The following DAB2 variants were observed in gnomAD, a reference collection of about 807,000 sequenced individuals.
The protein encoded by DAB2 is DAB adaptor protein 2.
A neutral mutation model predicts 71.6 loss-of-function variants in DAB2; 28 were observed. The ratio of observed to expected loss-of-function variants is 0.39; its 90% CI spans 0.29 to 0.54. The LOEUF is 0.54. DAB2 is among the 20% of genes least tolerant of loss of function. The probability of loss-of-function intolerance (pLI) is 0.68; values close to 1 mark genes in which losing one functional copy is unlikely to be tolerated. For synonymous variants in DAB2, 345 were observed against 339.7 expected, an observed-to-expected ratio of 1.02 and a Z score of -0.17; for missense variants, 867 against 928.8, an observed-to-expected ratio of 0.93 and a Z score of 0.86.
chr5:39,377,945 G>T (rs570960998), intron 11 of DAB2, among the ~76,000 whole-genome samples: 1 of 152,176 alleles, frequency 6.6e-6, no homozygotes, highest in African/African-American at 2.4e-5. Flanking sequence ...AGTTTTAGAC[G>T]TTTATATATA....
At chr5:39,389,214 T>A (rs1196613459) in intron 6 of DAB2, 91 bp from the exon 7 acceptor site, 1 of 963,248 alleles carries the variant, frequency 1.0e-6, no homozygotes, top group Admixed American at 2.0e-5. Flanking sequence ...TTCACAGGCA[T>A]AAGGCAAGAA....
intron 1 of DAB2, chr5:39,408,612 T>C (rs959348391): frequency 1.3e-5 from 2 of 152,220 alleles, no homozygotes; most frequent in Non-Finnish European, 2.9e-5. Flanking sequence ...AATATTATCA[T>C]TTAAAAAATG....
At position 39,388,331 on chromosome 5, in the gene DAB2, T is replaced by C. The variant is rs1561369786; in HGVS notation, c.661A>G (p.Thr221Ala). 1.2e-6 allele frequency: 2 copies of C among 1,612,810 alleles called. No homozygotes were observed. The highest frequency in any genetic ancestry group is 1.7e-6 in the Non-Finnish European group (2 of 1,179,110). Residue 221 changes from threonine (T) to alanine (A), a missense_variant, in exon 9 of 15, where the codon ACA becomes GCA. Coordinates refer to ENST00000320816, the MANE Select transcript of DAB2 (RefSeq NM_001343.4). Reference sequence around the variant, plus strand: ...GTTGGACTATTTAGGTCAGGAGGTGTAGACATGTCCCCAAACAAATCCATC... The same window carrying C: ...GTTGGACTATTTAGGTCAGGAGGTGCAGACATGTCCCCAAACAAATCCATC... ...DQMDLFGDMS[T>A]PPDLNSPTES...
In DAB2 at chr5:39,390,516, G is replaced by A. The variant is rs754304145; in HGVS notation, c.390C>T (p.Asp130=). Residue 130 remains aspartate (D), a synonymous_variant, in exon 5 of 15, where the codon GAC becomes GAT. Coordinates refer to ENST00000320816, the MANE Select transcript of DAB2 (RefSeq NM_001343.4). ...KISFIARDVT[D]NRAFGYVCGG... ...CACACACGTAACCAAATGCCCGGTT[G>A]TCTGTCACATCACGGGCAATGAAAG... The A allele has an allele frequency of 1.0e-4, 162 of 1,613,868 alleles. No individual in the cohort carries two copies. Among genetic ancestry groups the A allele is most frequent in the Non-Finnish European group, 1.4e-4 (161 of 1,179,904 alleles).
chr5:39,405,692 C>G (rs569719804), intron 1 of DAB2, among the ~76,000 whole-genome samples: 1 of 152,340 alleles, frequency 6.6e-6, no homozygotes, highest in South Asian at 2.1e-4. Context: ...TTGCTAGGCA[C>G]CTATGCCCAT....
chr5:39,408,592 G>A (rs770125378), intron 1 of DAB2: 5 of 152,116 alleles, frequency 3.3e-5, no homozygotes, highest in Non-Finnish European at 5.9e-5. Flanking sequence ...CTGTCATCTG[G>A]TGTGCTCAAA....
rs370480784 is a variant in DAB2, at chr5:39,388,850, A to G, written c.573T>C (p.Asn191=). 2 of 1,612,258 alleles carry G rather than the reference A, an allele frequency of 1.2e-6. No individual in the cohort carries two copies. Among genetic ancestry groups the G allele is most frequent in the Non-Finnish European group, 1.7e-6 (2 of 1,178,458 alleles). ...KIEEASKAVE[N]GSEALMILDD... is the part of the protein sequence containing the mutation. ...CTAGAATCATTAGGGCCTCACTCCC[A>G]TTCTGAAAAGATAGCAAATATTTAA... The change falls in exon 8 of 15, where the codon AAT becomes AAC. Residue 191 remains asparagine (N), a splice_region_variant and synonymous_variant. Coordinates refer to ENST00000320816, the MANE Select transcript of DAB2 (RefSeq NM_001343.4).
At chr5:39,400,293 C>G (rs940892740) in intron 1 of DAB2, among the ~76,000 whole-genome samples, 2 of 151,288 alleles carry the variant, frequency 1.3e-5, no homozygotes, top group African/African-American at 4.9e-5. Flanking sequence ...AGTGCAGTGG[C>G]GCAATCTCGG....
Position 39,382,987 on chromosome 5 carries a change from C to T in DAB2, c.972G>A (p.Ser324=), listed in dbSNP as rs775069486. The T allele has an allele frequency of 1.7e-5, 27 of 1,613,986 alleles. No homozygotes were observed. The highest frequency in any genetic ancestry group is 1.3e-4 in the Admixed American group (8 of 59,990). Residue 324 remains serine (S), a synonymous_variant, in exon 10 of 15, where the codon TCG becomes TCA. Transcript: ENST00000320816. ...LKSPDQKKEN[S]SSSSTPLSNG... is the part of the protein sequence containing the mutation. ...TACTCAGCGGAGTAGACGAGCTACT[C>T]GAATTCTCTTTCTTCTGATCTGGAG...
intron 1 of DAB2, among the ~76,000 whole-genome samples, chr5:39,394,814 AT>A (rs1755318323): frequency 6.6e-6 from 1 of 152,224 alleles, no homozygotes; most frequent in Admixed American, 6.5e-5. Context: ...GCCATTTGAG[AT>A]TGGGCATTAT....
Position 39,392,462 on chromosome 5 carries a change from C to T in DAB2, c.233G>A (p.Gly78Glu), listed in dbSNP as rs765551911. The change falls in exon 4 of 15, where the codon GGA becomes GAA. Residue 78 changes from glycine (G) to glutamate (E), a missense_variant and splice_region_variant. Around this residue, in one of 2 missense-constraint regions of DAB2, gnomAD observed 127 missense variants for 194.4 expected, o/e 0.65. Transcript: ENST00000320816. ...CTGAGACCGACCAGCTGCCGCCATT[C>T]CCTGATGAGGGTGGAAAAACAAGAG... ...MSQDSMMKLK[G>E]MAAAGRSQGQ... 6.2e-7 allele frequency: 1 copy of T among 1,610,364 alleles called. No individual in the cohort carries two copies.
intron 1 of DAB2, among the ~76,000 whole-genome samples, chr5:39,409,732 G>C (rs1326195231): frequency 6.6e-6 from 1 of 152,144 alleles, no homozygotes; most frequent in African/African-American, 2.4e-5. Flanking sequence ...GTCTAGTAGA[G>C]ATTTCAGAAA....
At chr5:39,383,909 C>A (rs1050951826) in intron 9 of DAB2, among the ~76,000 whole-genome samples, 1 of 152,160 alleles carries the variant, frequency 6.6e-6, no homozygotes, top group Non-Finnish European at 1.5e-5. Context: ...TATATCACGG[C>A]CTTCAGGTAT....
At chr5:39,393,425 T>C (rs1238591542) in intron 2 of DAB2, 32 bp from the exon 3 acceptor site, 1 of 1,611,284 alleles carries the variant, frequency 6.2e-7, no homozygotes, top group Non-Finnish European at 8.5e-7. Flanking sequence ...GGATGAAGAA[T>C]GCTAGTTCTA....
At chr5:39,401,755 T>TTATG in intron 1 of DAB2, among the ~76,000 whole-genome samples, 1 of 150,318 alleles carries the variant, frequency 6.7e-6, no homozygotes, top group South Asian at 2.1e-4. Context: ...ATTTATTTAT[T>TTATG]TATTTATTTA....
At chr5:39,378,782 C>T (rs1253764159) in intron 11 of DAB2, among the ~76,000 whole-genome samples, 2 of 152,212 alleles carry the variant, frequency 1.3e-5, no homozygotes, top group Admixed American at 6.5e-5. Flanking sequence ...GCACCCCATT[C>T]TCCTGTTCTG....
At chr5:39,386,447 A>G (rs148427752) in intron 9 of DAB2, among the ~76,000 whole-genome samples, 229 of 152,336 alleles carry the variant, frequency 1.5e-3, no homozygotes, top group African/African-American at 4.8e-3. Flanking sequence ...TTTTTGACCT[A>G]TGACTATAGA....
chr5:39,396,239 C>T (rs565212738), intron 1 of DAB2, among the ~76,000 whole-genome samples: 3 of 152,284 alleles, frequency 2.0e-5, no homozygotes, highest in South Asian at 4.1e-4. Context: ...AAACGACATA[C>T]CTGCTAAGTG....
chr5:39,399,252 G>A (rs1755444434), intron 1 of DAB2, among the ~76,000 whole-genome samples: 1 of 152,086 alleles, frequency 6.6e-6, no homozygotes, highest in African/African-American at 2.4e-5. Flanking sequence ...AAATTAGTCA[G>A]GAAATACACC....
Sources: gnomAD v4.1 joint callset for allele counts (sites outside exome capture counted in the v4.1 genomes callset) on GRCh38, gnomAD v4.1.1 for gene constraint, gnomAD v4.1.1 regional missense constraint, MANE v1.5 for transcripts, NCBI Gene and HGNC (gene_info 2026-07-23, HGNC 2026-07-21) for gene names.